The following PSG8 variants were observed in gnomAD, a reference collection of about 807,000 sequenced individuals.
The protein encoded by PSG8 is pregnancy specific beta-1-glycoprotein 8.
Under a neutral mutation model 42.5 loss-of-function variants are expected in PSG8, and 57 were observed. That is an observed-to-expected ratio of 1.34 (90% CI 1.08 to 1.67). The LOEUF (loss-of-function observed/expected upper bound fraction) is 1.67. PSG8 is among the 40% of genes most tolerant of loss of function. PSG8 has a pLI of 0.00. For synonymous variants in PSG8, 280 were observed against 196.8 expected (o/e 1.42, Z -3.54); for missense variants, 783 against 518.6 (o/e 1.51, Z -4.95).
chr19:42,754,904 C>G (rs1969878611), intron 4 of PSG8, 84 bp downstream of exon 4: 2 of 1,570,034 alleles, frequency 1.3e-6, no homozygotes, highest in South Asian at 1.2e-5. Flanking sequence ...TATACTTGGA[C>G]CAGAGAGAGA....
At chr19:42,763,235 A>T (rs534194774) in intron 2 of PSG8, among the ~76,000 whole-genome samples, 1 of 152,184 alleles carries the variant, frequency 6.6e-6, no homozygotes, top group East Asian at 1.9e-4. Flanking sequence ...GCTTCTGGGG[A>T]CATTAGACTT....
In PSG8 at chr19:42,763,745, T is replaced by A. The variant is rs976706649; in HGVS notation, c.430+171A>T. On this transcript the variant is annotated intron_variant, in intron 2 of 4. Coordinates refer to ENST00000306511, the MANE Select transcript of PSG8 (RefSeq NM_182707.3). ...TCTGGATGCGGGAAAGGAATTCTGA[T>A]CTGTTGAAATTTGTCTCCTCTGTGT... 2.3e-6 allele frequency: 3 copies of A among 1,299,168 alleles called. No individual in the cohort carries two copies. In the African/African-American group the frequency reaches 4.4e-5, roughly 19 times the overall value. 80.5% of individuals were successfully genotyped at this position (1,299,168 alleles called of 1,614,324 possible).
chr19:42,754,021 C>T (rs369647703), downstream of PSG8: 5 of 876,702 alleles, frequency 5.7e-6, no homozygotes, highest in East Asian at 3.2e-5. Flanking sequence ...ATGTAGAAAA[C>T]AAACCATTTA....
intron 3 of PSG8, 49 bp downstream of exon 3, chr19:42,757,953 G>T (rs751670369): frequency 1.2e-5 from 19 of 1,613,802 alleles, no homozygotes; most frequent in African/African-American, 4.0e-5. Flanking sequence ...CTCTGGCCAC[G>T]TGTATTTGGG....
chr19:42,760,642 G>A (rs1296073361), intron 2 of PSG8, among the ~76,000 whole-genome samples: 2 of 152,000 alleles, frequency 1.3e-5, no homozygotes, highest in South Asian at 2.1e-4. Flanking sequence ...GAGTGCAGTG[G>A]CATGATCTCA....
At position 42,764,117 on chromosome 19, in the gene PSG8, G is replaced by T. The variant is rs1265866622; in HGVS notation, c.229C>A (p.His77Asn). The T allele has an allele frequency of 1.1e-5, 17 of 1,613,718 alleles. No individual in the cohort carries two copies. The highest frequency in any genetic ancestry group is 1.4e-5 in the Non-Finnish European group (16 of 1,179,884). ...TCTACTACATATGATGTAATGTAAT[G>T]GTAGAGGTCCCTGATTTGCCCTTTG... ...WYKGQIRDLYHYITSYVVDGQ... is the reference protein window; with the variant it reads ...WYKGQIRDLYNYITSYVVDGQ... Residue 77 changes from histidine (H) to asparagine (N), a missense_variant, in exon 2 of 5, where the codon CAT becomes AAT. By Grantham distance (68) the His-to-Asn change is moderately conservative. Transcript: ENST00000306511.
At chr19:42,760,332 C>A (rs1970041682) in intron 2 of PSG8, among the ~76,000 whole-genome samples, 1 of 152,158 alleles carries the variant, frequency 6.6e-6, no homozygotes. Context: ...CCCAAAACCA[C>A]CAGTATTCCC....
rs751164814 is a variant in PSG8 at position 42,754,285 on chromosome 19, T to C, written c.*10A>G. ...TCCTGACTCTTCCCTGAAGGCCAGA[T>C]AGACTCCACCTAAATCCCTATTGCC... On this transcript the variant is annotated 3_prime_UTR_variant, in exon 5 of 5. Transcript: ENST00000306511. 7 of 1,612,066 alleles carry C rather than the reference T, an allele frequency of 4.3e-6. No homozygotes were observed. Among genetic ancestry groups the C allele is most frequent in the African/African-American group, 1.3e-5 (1 of 74,910 alleles).
chr19:42,760,026 T>C (rs1970033561), intron 2 of PSG8, among the ~76,000 whole-genome samples: 1 of 152,176 alleles, frequency 6.6e-6, no homozygotes, highest in South Asian at 2.1e-4. Flanking sequence ...GTTATGTTAG[T>C]AAATATAGAA....
chr19:42,756,696 C>T (rs774994727), intron 3 of PSG8, among the ~76,000 whole-genome samples: 8 of 152,002 alleles, frequency 5.3e-5, no homozygotes, highest in South Asian at 2.1e-4. Flanking sequence ...ATGCCTCACT[C>T]GTATATTTTT....
At position 42,764,194 on chromosome 19, in the gene PSG8, A is replaced by C. The variant is rs1333962137; in HGVS notation, c.152T>G (p.Val51Gly). Residue 51 changes from valine to glycine, a missense_variant, in exon 2 of 5, where the codon GTT (valine) becomes GGT (glycine). By Grantham distance (109) the Val-to-Gly change is moderately radical. Coordinates refer to ENST00000306511, the MANE Select transcript of PSG8 (RefSeq NM_182707.3). ...GGGCAAATTGTGGACAAGTAGAAGAACATCCTTCCCCTCAGAAACTTTGGT... is the reference window on the plus strand; with the variant it reads ...GGGCAAATTGTGGACAAGTAGAAGACCATCCTTCCCCTCAGAAACTTTGGT... Reference protein sequence around the residue: ...QPTKVSEGKDVLLLVHNLPQN... With the variant: ...QPTKVSEGKDGLLLVHNLPQN... 1.2e-6 allele frequency: 2 copies of C among 1,613,876 alleles called. No individual in the cohort carries two copies.
intron 4 of PSG8, 119 bp from the exon 5 acceptor site, chr19:42,754,706 C>A (rs1018745634): frequency 7.4e-7 from 1 of 1,342,618 alleles, no homozygotes; most frequent in African/African-American, 1.5e-5. Flanking sequence ...CCCAGCCCAA[C>A]CCCCTCTATG....
intron 2 of PSG8, among the ~76,000 whole-genome samples, chr19:42,761,116 T>A (rs561042307): frequency 6.6e-6 from 1 of 152,116 alleles, no homozygotes; most frequent in Non-Finnish European, 1.5e-5. Flanking sequence ...GGTGAGTCCG[T>A]GCAAAGATTA....
chr19:42,755,133 C>G lies in PSG8; in HGVS notation c.843G>C (p.Pro281=), dbSNP rs541230835. ...YIWWLNGQSL[P]VSPRVKRPIE... is the part of the protein sequence containing the mutation. ...TGGGTCGCTTTACCCTGGGACTGAC[C>G]GGGAGGCTCTGACCATTTAGCCACC... Residue 281 remains proline, a synonymous_variant, in exon 4 of 5, where the codon CCG becomes CCC. Coordinates refer to ENST00000306511, the MANE Select transcript of PSG8 (RefSeq NM_182707.3). The G allele has an allele frequency of 1.2e-6, 2 of 1,611,738 alleles. No homozygotes were observed. The highest frequency in any genetic ancestry group is 2.2e-5 in the East Asian group (1 of 44,872).
At chr19:42,753,064 C>T (rs1404405468), downstream of PSG8, 4 of 591,880 alleles carry the variant, frequency 6.8e-6, no homozygotes, top group East Asian at 2.8e-5. Flanking sequence ...TGAGCAAGGA[C>T]AGTTAAGAGG....
At chr19:42,758,486 C>G (rs1300654802) in intron 2 of PSG8, 31 of 1,143,764 alleles carry the variant, frequency 2.7e-5, no homozygotes, top group Admixed American at 8.6e-5. Context: ...GAAACACAGA[C>G]TTTCTCAAGT....
At chr19:42,757,141 A>G (rs1356046155) in intron 3 of PSG8, among the ~76,000 whole-genome samples, 1 of 151,906 alleles carries the variant, frequency 6.6e-6, no homozygotes, top group African/African-American at 2.4e-5. Context: ...CGGATTGTTC[A>G]TTGTTAGTGT....
In PSG8 at chr19:42,758,104, A is replaced by G. The variant is rs1969975327; in HGVS notation, c.607T>C (p.Phe203Leu). Residue 203 changes from phenylalanine (F) to leucine (L), a missense_variant, in exon 3 of 5, where the codon TTT becomes CTT. Coordinates refer to ENST00000306511, the MANE Select transcript of PSG8 (RefSeq NM_182707.3). Reference protein sequence around the residue: ...LQLSETNRTLFLLGVTKYTAG... With the variant: ...LQLSETNRTLLLLGVTKYTAG... ...GTGTACTTTGTGACACCCAATAGAA[A>G]GAGGGTCCTGTTGGTTTCAGACAAC... 1 of 1,613,926 alleles carries G rather than the reference A, an allele frequency of 6.2e-7. No homozygotes were observed.
rs187142820 is a variant in PSG8, at chr19:42,759,914, G to A, written c.431-1634C>T. On this transcript the variant is annotated intron_variant, in intron 2 of 4. Coordinates refer to ENST00000306511, the MANE Select transcript of PSG8 (RefSeq NM_182707.3). ...AGATGCCAATGGTGATTTGAAATTAGCAACTCCTTAAGTAGAGAGAGTCCC... is the reference window on the plus strand; with the variant it reads ...AGATGCCAATGGTGATTTGAAATTAACAACTCCTTAAGTAGAGAGAGTCCC... Among the ~76,000 whole-genome samples the A allele has an allele frequency of 3.5e-4, 54 of 152,252 alleles. 1 individual carries two copies. The highest frequency in any genetic ancestry group is 6.5e-4 in the Admixed American group (10 of 15,294).
Sources: gnomAD v4.1 joint callset for allele counts (sites outside exome capture counted in the v4.1 genomes callset) on GRCh38, gnomAD v4.1.1 for gene constraint, MANE v1.5 for transcripts, NCBI Gene and HGNC (gene_info 2026-07-23, HGNC 2026-07-21) for gene names.